The following ERBIN variants were observed in gnomAD, a reference collection of about 807,000 sequenced individuals.
ERBIN encodes erbb2 interacting protein, also known as densin-180-like protein.
In ERBIN, 60 loss-of-function variants were observed where a neutral mutation model predicts 158.4. The observed-to-expected ratio is 0.38, with a 90% CI of 0.31 to 0.47. The LOEUF is 0.47. Ranked by LOEUF, ERBIN falls within the 20% of genes least tolerant of loss-of-function variation. The pLI, the probability that ERBIN is intolerant of heterozygous loss-of-function variation, is 0.99. For missense variants in ERBIN, 1,610 were observed against 1,648.0 expected (o/e 0.98, Z 0.40); for synonymous variants, 594 against 557.2 (o/e 1.07, Z -0.93).
chr5:66,010,106 T>A (rs1309077337), intron 4 of ERBIN, among the ~76,000 whole-genome samples: 1 of 152,222 alleles, frequency 6.6e-6, no homozygotes, highest in Non-Finnish European at 1.5e-5. Context: ...TACTTTCGCG[T>A]ATTGCATTTA....
chr5:65,949,221 G>T (rs1008994042), intron 1 of ERBIN, among the ~76,000 whole-genome samples: 1 of 152,088 alleles, frequency 6.6e-6, no homozygotes, highest in South Asian at 2.1e-4. Flanking sequence ...CAGGAGTCAG[G>T]TATAGATCTA....
intron 5 of ERBIN, among the ~76,000 whole-genome samples, chr5:66,013,082 T>C (rs1754376913): frequency 6.6e-6 from 1 of 152,192 alleles, no homozygotes; most frequent in Non-Finnish European, 1.5e-5. Context: ...ATCTAGTTTG[T>C]AGAGATCAGT....
intron 7 of ERBIN, 37 bp downstream of exon 7, chr5:66,014,762 AT>A: frequency 9.9e-7 from 1 of 1,005,826 alleles, no homozygotes; most frequent in Non-Finnish European, 1.4e-6. Context: ...AACTTAATTT[AT>A]AATTTTTAAT....
intron 1 of ERBIN, among the ~76,000 whole-genome samples, chr5:65,948,273 C>T (rs1046291168): frequency 1.3e-5 from 2 of 151,756 alleles, no homozygotes; most frequent in Non-Finnish European, 2.9e-5. Flanking sequence ...ATCCCAGGCT[C>T]AAGCAATCTT....
intron 1 of ERBIN, among the ~76,000 whole-genome samples, chr5:65,965,552 G>C (rs190682658): frequency 4.0e-4 from 17 of 42,510 alleles, no homozygotes; most frequent in East Asian, 3.5e-3. Context: ...CTACAGGCAT[G>C]TGCTACCATT....
Position 66,024,400 on chromosome 5 carries a change from A to G in ERBIN, c.767A>G (p.Gln256Arg). 1 of 1,607,006 alleles carries G rather than the reference A, an allele frequency of 6.2e-7. No individual in the cohort carries two copies. Among genetic ancestry groups the G allele is most frequent in the Non-Finnish European group, 8.5e-7 (1 of 1,178,076 alleles). ...GGAATTTCAACATGTGAAAACCTTC[A>G]AGACCTCCTATTATCAAGCAATTCA... ...EEGISTCENL[Q>R]DLLLSSNSLQ... is the part of the protein sequence containing the mutation. Residue 256 changes from glutamine to arginine, a missense_variant, in exon 10 of 26, where the codon CAA becomes CGA. By Grantham distance (43) the Gln-to-Arg change is conservative. Coordinates refer to ENST00000284037, the MANE Select transcript of ERBIN (RefSeq NM_001253697.2).
At chr5:65,936,952 G>T (rs1477045183) in intron 1 of ERBIN, among the ~76,000 whole-genome samples, 2 of 152,122 alleles carry the variant, frequency 1.3e-5, no homozygotes, top group East Asian at 3.8e-4. Flanking sequence ...ACCAAAATGG[G>T]TATTGGTTGT....
chr5:65,983,355 G>T (rs1750855652), intron 1 of ERBIN, among the ~76,000 whole-genome samples: 1 of 151,850 alleles, frequency 6.6e-6, no homozygotes, highest in African/African-American at 2.4e-5. Flanking sequence ...TTTGACTGTT[G>T]TCCTTATAAA....
chr5:65,932,785 C>T (rs1743599899), intron 1 of ERBIN, among the ~76,000 whole-genome samples: 1 of 151,994 alleles, frequency 6.6e-6, no homozygotes, highest in South Asian at 2.1e-4. Flanking sequence ...TCTAGTTTTT[C>T]ATAGGAGTTA....
intron 1 of ERBIN, among the ~76,000 whole-genome samples, chr5:65,958,404 C>G (rs536389993): frequency 9.5e-4 from 144 of 152,188 alleles, no homozygotes; most frequent in African/African-American, 2.6e-3. Context: ...AGATCACTCG[C>G]GGTTAGGAGC....
chr5:65,962,073 A>G (rs1015311265), intron 1 of ERBIN, among the ~76,000 whole-genome samples: 1 of 152,314 alleles, frequency 6.6e-6, no homozygotes, highest in African/African-American at 2.4e-5. Context: ...ACTATGTCGC[A>G]TTTTTTAAAG....
At chr5:66,044,753 A>G (rs1043143106) in intron 17 of ERBIN, among the ~76,000 whole-genome samples, 7 of 151,620 alleles carry the variant, frequency 4.6e-5, no homozygotes, top group Non-Finnish European at 8.8e-5. Flanking sequence ...TGACAGAGTG[A>G]CACTCTGTCT....
chr5:66,056,907 G>T (rs578251538), intron 21 of ERBIN, among the ~76,000 whole-genome samples: 1 of 152,010 alleles, frequency 6.6e-6, no homozygotes, highest in Non-Finnish European at 1.5e-5. Flanking sequence ...ATATCCTGCC[G>T]TTACCATAAC....
At chr5:66,063,056 C>G (rs183970268) in intron 21 of ERBIN, among the ~76,000 whole-genome samples, 2,114 of 152,340 alleles carry the variant, frequency 0.014, 47 homozygotes, top group African/African-American at 0.048. Flanking sequence ...AACCACTACT[C>G]TCTTCAAAAC....
chr5:66,044,453 A>G (rs1194216060), intron 17 of ERBIN, 143 bp downstream of exon 17: 13 of 744,486 alleles, frequency 1.7e-5, no homozygotes, highest in South Asian at 1.0e-4. Flanking sequence ...GCTCACATAC[A>G]TATGATGGTG....
At chr5:66,039,125 AT>A (rs1164086933) in intron 15 of ERBIN, among the ~76,000 whole-genome samples, 3 of 152,010 alleles carry the variant, frequency 2.0e-5, no homozygotes, top group Admixed American at 2.0e-4. Context: ...GTTTGAAATT[AT>A]TTATAAATTA....
chr5:66,061,363 A>G (rs186901270), intron 21 of ERBIN, among the ~76,000 whole-genome samples: 35 of 151,022 alleles, frequency 2.3e-4, no homozygotes, highest in South Asian at 8.4e-4. Flanking sequence ...TAGGATTGCA[A>G]CCCCTGCCTT....
At position 66,054,509 on chromosome 5, in the gene ERBIN, G is replaced by C; in HGVS notation, c.3191G>C (p.Arg1064Pro). 6.2e-7 allele frequency: 1 copy of C among 1,614,124 alleles called. No individual in the cohort carries two copies. The highest frequency in any genetic ancestry group is 1.1e-5 in the South Asian group (1 of 91,066). ...GEMWAISPND[R>P]LIPAVTRSTI... ...ATGTGGGCCATCTCACCAAACGACC[G>C]ACTTATTCCTGCAGTAACTCGAAGT... Residue 1064 changes from arginine to proline, a missense_variant, in exon 21 of 26, where the codon CGA becomes CCA. Around this residue, in one of 2 missense-constraint regions of ERBIN, gnomAD observed 1,014 missense variants for 936.1 expected, o/e 1.08. Transcript: ENST00000284037.
chr5:66,007,180 A>C (rs1317055671), intron 4 of ERBIN, among the ~76,000 whole-genome samples: 3 of 151,150 alleles, frequency 2.0e-5, no homozygotes, highest in African/African-American at 7.2e-5. Flanking sequence ...AAAATGTGGC[A>C]CATATACACC....
Sources: allele counts gnomAD v4.1 joint callset (sites outside exome capture counted in the v4.1 genomes callset), GRCh38; gene constraint gnomAD v4.1.1; regional missense constraint gnomAD v4.1.1; transcripts MANE v1.5; gene names NCBI Gene and HGNC (gene_info 2026-07-23, HGNC 2026-07-21).